ZNF648: variants seen among roughly 807,000 people sequenced by gnomAD.
ZNF648 encodes the protein zinc finger protein 648.
In ZNF648, 1 loss-of-function variant was observed where a neutral mutation model predicts 0.3. That is an observed-to-expected ratio of 3.90 (90% CI 1.39 to 18.51). ZNF648 has a LOEUF of 18.51. ZNF648 is among the 30% of genes most tolerant of loss of function. ZNF648 has a pLI of 0.11. For synonymous variants in ZNF648, 376 were observed against 326.8 expected (o/e 1.15, Z -1.62); for missense variants, 874 against 769.7 (o/e 1.14, Z -1.60).
chr1:182,057,019 C>T lies in ZNF648; in HGVS notation c.992G>A (p.Gly331Asp). 1.2e-6 allele frequency: 2 copies of T among 1,613,634 alleles called. No individual in the cohort carries two copies. Among genetic ancestry groups the T allele is most frequent in the Non-Finnish European group, 8.5e-7 (1 of 1,179,948 alleles). The change falls in exon 2 of 2, where the codon GGC (glycine) becomes GAC (aspartate). Residue 331 changes from glycine to aspartate, a missense_variant. By Grantham distance (94) the Gly-to-Asp change is moderately conservative. Coordinates refer to ENST00000339948, the MANE Select transcript of ZNF648 (RefSeq NM_001009992.1). ...GTCTGGACACGGGTAGGGTTTCTCG[C>T]CTGTGTGGGTGCGGATGTGCTTCCG... ...DHRKHIRTHT[G>D]EKPYPCPDCG... is the part of the protein sequence containing the mutation.
In ZNF648 at chr1:182,057,073, T is replaced by C. The variant is rs760766893; in HGVS notation, c.938A>G (p.Asp313Gly). ...GTCGGAGGACCAGGTGTAGGCCTTG[T>C]CGCAGAAGGAGCACTGGTAGGGCCG... ...GERPYQCSFC[D>G]KAYTWSSDHR... The change falls in exon 2 of 2, where the codon GAC (aspartate) becomes GGC (glycine). Residue 313 changes from aspartate (D) to glycine (G), a missense_variant. Asp to Gly is a moderately conservative substitution (Grantham distance 94). Coordinates refer to ENST00000339948, the MANE Select transcript of ZNF648 (RefSeq NM_001009992.1). The C allele has an allele frequency of 6.2e-7, 1 of 1,604,950 alleles. No homozygotes were observed. Among genetic ancestry groups the C allele is most frequent in the Non-Finnish European group, 8.5e-7 (1 of 1,177,342 alleles).
upstream of ZNF648, among the ~76,000 whole-genome samples, chr1:182,065,540 G>A (rs1479521986): frequency 2.0e-5 from 3 of 152,208 alleles, no homozygotes; most frequent in African/African-American, 4.8e-5. Context: ...GTCCACGTGA[G>A]TCCTCCTTGG....
In ZNF648 at chr1:182,057,008, A is replaced by G. The variant is rs1553225892; in HGVS notation, c.1003T>C (p.Tyr335His). 1.9e-6 allele frequency: 3 copies of G among 1,613,590 alleles called. No homozygotes were observed. The highest frequency in any genetic ancestry group is 1.7e-6 in the Non-Finnish European group (2 of 1,179,940). ...HIRTHTGEKP[Y>H]PCPDCGKAFV... ...GCCTTCCCGCAGTCTGGACACGGGT[A>G]GGGTTTCTCGCCTGTGTGGGTGCGG... The change falls in exon 2 of 2, where the codon TAC becomes CAC. Residue 335 changes from tyrosine (Y) to histidine (H), a missense_variant. Tyr to His is a moderately conservative substitution (Grantham distance 83). Coordinates refer to ENST00000339948, the MANE Select transcript of ZNF648 (RefSeq NM_001009992.1).
chr1:182,056,220 C>T lies in ZNF648; in HGVS notation c.*84G>A. The stretch of plus-strand genomic sequence containing the variant: ...TGATGACCCGCGACCTGCTGGGAGG[C>T]GAGGCTGACCAGTGAGGCTGGCAAT... On this transcript the variant is annotated 3_prime_UTR_variant, in exon 2 of 2. Coordinates refer to ENST00000339948, the MANE Select transcript of ZNF648 (RefSeq NM_001009992.1). 3 of 1,506,812 alleles carry T rather than the reference C, an allele frequency of 2.0e-6. No homozygotes were observed. Among genetic ancestry groups the T allele is most frequent in the Admixed American group, 4.3e-5 (2 of 46,740 alleles). 93.3% of individuals were successfully genotyped at this position (1,506,812 alleles called of 1,614,324 possible).
chr1:182,057,387 T>C lies in ZNF648; in HGVS notation c.624A>G (p.Thr208=). ...NWDLPTQETH[T]PAQASATPAS... ...CTGGGGTGGCCGACGCCTGGGCTGG[T>C]GTATGTGTCTCTTGCGTGGGAAGGT... Residue 208 remains threonine, a synonymous_variant, in exon 2 of 2, where the codon ACA becomes ACG. Transcript: ENST00000339948. 6.2e-7 allele frequency: 1 copy of C among 1,613,374 alleles called. No homozygotes were observed. Among genetic ancestry groups the C allele is most frequent in the Non-Finnish European group, 8.5e-7 (1 of 1,179,956 alleles).
intron 1 of ZNF648, among the ~76,000 whole-genome samples, chr1:182,061,325 A>T (rs565565930): frequency 6.6e-6 from 1 of 152,244 alleles, no homozygotes; most frequent in Non-Finnish European, 1.5e-5. Context: ...CTTCCTCTGC[A>T]CTTGCCAGCC....
Position 182,056,970 on chromosome 1 carries a change from A to G in ZNF648, c.1041T>C (p.Ser347=), listed in dbSNP as rs762678624. The G allele has an allele frequency of 1.4e-5, 22 of 1,613,562 alleles. No homozygotes were observed. Among genetic ancestry groups the G allele is most frequent in the East Asian group, 4.5e-5 (2 of 44,844 alleles). The change falls in exon 2 of 2, where the codon TCT becomes TCC. Residue 347 remains serine, a synonymous_variant. Coordinates refer to ENST00000339948, the MANE Select transcript of ZNF648 (RefSeq NM_001009992.1). ...CPDCGKAFVR[S]SDLRKHQRNM... is the part of the protein sequence containing the mutation. ...TGCGCTGGTGTTTGCGCAGGTCCGA[A>G]GAGCGCACGAAGGCCTTCCCGCAGT...
At position 182,055,724 on chromosome 1, in the gene ZNF648, G is replaced by A. The variant is rs1665894703; in HGVS notation, c.*580C>T. 1 of 154,132 alleles carries A rather than the reference G, an allele frequency of 6.5e-6. No individual in the cohort carries two copies. Among genetic ancestry groups the A allele is most frequent in the Non-Finnish European group, 1.4e-5 (1 of 69,352 alleles). The allele number at this position is 154,132 out of a possible 1,614,324, so 9.5% of individuals were successfully genotyped here. On this transcript the variant is annotated 3_prime_UTR_variant, in exon 2 of 2. Transcript: ENST00000339948. This position sits in a 1 kb window ranked among gnomAD's most constrained non-coding sequence, Gnocchi z 4.1. The stretch of plus-strand genomic sequence containing the variant: ...AGACTCATAAAGATATATCCTAAGG[G>A]TAAAGCCATTTCTGCAGTCAAGTGA...
chr1:182,056,423 T>C lies in ZNF648; in HGVS notation c.1588A>G (p.Arg530Gly), dbSNP rs1665909182. The C allele has an allele frequency of 6.2e-7, 1 of 1,614,002 alleles. No individual in the cohort carries two copies. Among genetic ancestry groups the C allele is most frequent in the South Asian group, 1.1e-5 (1 of 91,050 alleles). Residue 530 changes from arginine (R) to glycine (G), a missense_variant, in exon 2 of 2, where the codon AGG becomes GGG. Arg to Gly is a moderately radical substitution (Grantham distance 125). Coordinates refer to ENST00000339948, the MANE Select transcript of ZNF648 (RefSeq NM_001009992.1). The stretch of plus-strand genomic sequence containing the variant: ...CCGCAGTCCTCACACTGGTAGGGCC[T>C]CTCTCCGTTGTGCATTCGTATGTGC... ...AQHIRMHNGE[R>G]PYQCEDCGQA...
Position 182,056,398 on chromosome 1 carries a change from C to T in ZNF648, c.1613G>A (p.Gly538Asp). ...GTGATTGGACCTGGTGAAGGCCTGGCCGCAGTCCTCACACTGGTAGGGCCT... is the reference window on the plus strand; with the variant it reads ...GTGATTGGACCTGGTGAAGGCCTGGTCGCAGTCCTCACACTGGTAGGGCCT... ...GERPYQCEDCGQAFTRSNHLQ... is the reference protein window; with the variant it reads ...GERPYQCEDCDQAFTRSNHLQ... The change falls in exon 2 of 2, where the codon GGC (glycine) becomes GAC (aspartate). Residue 538 changes from glycine (G) to aspartate (D), a missense_variant. Gly to Asp is a moderately conservative substitution (Grantham distance 94, BLOSUM62 -1). Coordinates refer to ENST00000339948, the MANE Select transcript of ZNF648 (RefSeq NM_001009992.1). 6.2e-7 allele frequency: 1 copy of T among 1,614,166 alleles called. No individual in the cohort carries two copies. Among genetic ancestry groups the T allele is most frequent in the East Asian group, 2.2e-5 (1 of 44,870 alleles).
upstream of ZNF648, among the ~76,000 whole-genome samples, chr1:182,066,032 CTG>C (rs1426787145): frequency 6.6e-6 from 1 of 152,206 alleles, no homozygotes; most frequent in East Asian, 1.9e-4. Flanking sequence ...CTTCTGAAAT[CTG>C]TGTCATTCTG....
upstream of ZNF648, among the ~76,000 whole-genome samples, chr1:182,066,299 G>A (rs1666098595): frequency 6.6e-6 from 1 of 152,182 alleles, no homozygotes; most frequent in African/African-American, 2.4e-5. Flanking sequence ...TGGACTGGAT[G>A]GGTGGAGTGG....
In ZNF648 at chr1:182,058,020, G is replaced by A; in HGVS notation, c.-10C>T. 1.3e-6 allele frequency: 2 copies of A among 1,591,180 alleles called. No individual in the cohort carries two copies. The highest frequency in any genetic ancestry group is 1.7e-6 in the Non-Finnish European group (2 of 1,170,740). ...AGTCCACTTGTGCCATGATGTTCAG[G>A]CGCTTCTATTGCCTACTCCTCTGAG... On this transcript the variant is annotated 5_prime_UTR_variant, in exon 2 of 2. Transcript: ENST00000339948.
rs1324893482 is a variant in ZNF648, at chr1:182,057,299, C to T, written c.712G>A (p.Gly238Ser). The T allele has an allele frequency of 6.2e-7, 1 of 1,600,766 alleles. No homozygotes were observed. ...TCAGCCTCTCCGCCCTCGCGCCGGCCCGCCTGGTTCTGTACTTTCCTGCTG... is the reference window on the plus strand; with the variant it reads ...TCAGCCTCTCCGCCCTCGCGCCGGCTCGCCTGGTTCTGTACTTTCCTGCTG... ...RNSRKVQNQA[G>S]RREGGEAEAR... Residue 238 changes from glycine to serine, a missense_variant, in exon 2 of 2, where the codon GGC (glycine) becomes AGC (serine). Coordinates refer to ENST00000339948, the MANE Select transcript of ZNF648 (RefSeq NM_001009992.1).
At chr1:182,067,687 G>T in the ZNF648 span, among the ~76,000 whole-genome samples, 1 of 152,200 alleles carries the variant, frequency 6.6e-6, no homozygotes, top group Admixed American at 6.5e-5. Flanking sequence ...TTGCACTATA[G>T]TGACCCTGCC....
In ZNF648 at chr1:182,056,587, G is replaced by A. The variant is rs1665915399; in HGVS notation, c.1424C>T (p.Pro475Leu). 6.2e-7 allele frequency: 1 copy of A among 1,613,818 alleles called. No individual in the cohort carries two copies. Residue 475 changes from proline (P) to leucine (L), a missense_variant, in exon 2 of 2, where the codon CCC becomes CTC. By Grantham distance (98) the Pro-to-Leu change is moderately conservative. Transcript: ENST00000339948. ...RHQRIHTGER[P>L]FPCTQCGQAF... ...CTGGCCACACTGCGTGCAAGGAAAG[G>A]GCCTCTCGCCAGTGTGGATGCGCTG...
chr1:182,057,186 G>T lies in ZNF648; in HGVS notation c.825C>A (p.Ala275=), dbSNP rs1271508766. 1 of 1,580,416 alleles carries T rather than the reference G, an allele frequency of 6.3e-7. No individual in the cohort carries two copies. The highest frequency in any genetic ancestry group is 8.6e-7 in the Non-Finnish European group (1 of 1,169,112). The change falls in exon 2 of 2, where the codon GCC becomes GCA. Residue 275 remains alanine, a synonymous_variant. Transcript: ENST00000339948. ...PLSPAETRGG[A]AKRYACELCG... is the part of the protein sequence containing the mutation. ...ATAGCTCGCACGCGTAGCGCTTGGCGGCGCCGCCGCGCGTCTCCGCGGGGC... is the reference window on the plus strand; with the variant it reads ...ATAGCTCGCACGCGTAGCGCTTGGCTGCGCCGCCGCGCGTCTCCGCGGGGC...
chr1:182,067,767 G>A, the ZNF648 span, among the ~76,000 whole-genome samples: 1 of 152,252 alleles, frequency 6.6e-6, no homozygotes, highest in Non-Finnish European at 1.5e-5. Context: ...GGGCTTCACT[G>A]CAAGCAGTTG....
At chr1:182,067,341 G>A in the ZNF648 span, among the ~76,000 whole-genome samples, 21,348 of 152,220 alleles carry the variant, frequency 0.14, 1,659 homozygotes, top group East Asian at 0.28. Flanking sequence ...CAGTTTCTTT[G>A]TCTGTAAATT....
Sources: allele counts gnomAD v4.1 joint callset (sites outside exome capture counted in the v4.1 genomes callset), GRCh38; gene constraint gnomAD v4.1.1; non-coding constraint Gnocchi (gnomAD v3.1); transcripts MANE v1.5; gene names NCBI Gene and HGNC (gene_info 2026-07-23, HGNC 2026-07-21).